Variants in CCSER1 observed in about 807,000 individuals in gnomAD.
CCSER1 encodes coiled-coil serine rich protein 1.
CCSER1 carries 41 observed loss-of-function variants against 82.0 expected under a neutral mutation model. The observed-to-expected ratio is 0.50, with a 90% CI of 0.39 to 0.65. CCSER1 has a LOEUF of 0.65. Ranked by LOEUF, CCSER1 falls within the 30% of genes least tolerant of loss-of-function variation. The pLI is 0.00. For synonymous variants in CCSER1, 414 were observed against 383.9 expected (o/e 1.08, Z -0.92); for missense variants, 1,119 against 1,064.2 (o/e 1.05, Z -0.72).
At position 91,480,470 on chromosome 4, in the gene CCSER1, G is replaced by C. The variant is rs549645613; in HGVS notation, c.2218-118102G>C. Among the ~76,000 whole-genome samples, 7 of 152,268 alleles carry C rather than the reference G, an allele frequency of 4.6e-5. No individual in the cohort carries two copies. The South Asian group carries it at 1.5e-3, about 32-fold the overall frequency. On this transcript the variant is annotated intron_variant, in intron 10 of 10. Coordinates refer to ENST00000509176, the MANE Select transcript of CCSER1 (RefSeq NM_001145065.2). ...TGAGATGGTATCTCATTGTGGTTTT[G>C]ATTTGCATTTGTCTGATGGCCTAAC...
intron 1 of CCSER1, among the ~76,000 whole-genome samples, chr4:90,244,250 A>G (rs2153436460): frequency 6.6e-6 from 1 of 152,356 alleles, no homozygotes; most frequent in East Asian, 1.9e-4. Context: ...AACAAGTAAG[A>G]TGCTTAATGG....
chr4:90,749,076 C>T lies in CCSER1; in HGVS notation c.2010+25085C>T, dbSNP rs888630646. On this transcript the variant is annotated intron_variant, in intron 7 of 10. Transcript: ENST00000509176. Reference sequence around the variant, plus strand: ...ATTTGTCAATTTTGGCTTTTGTTGCCGTTGCTTTTGGTGTTTTAGACATGA... The same window carrying T: ...ATTTGTCAATTTTGGCTTTTGTTGCTGTTGCTTTTGGTGTTTTAGACATGA... 3.2e-3 allele frequency among the ~76,000 whole-genome samples: 487 copies of T among 151,850 alleles called. 3 individuals are homozygous for T. Among genetic ancestry groups the T allele is most frequent in the African/African-American group, 0.011 (447 of 41,402 alleles).
chr4:90,669,056 A>G (rs903263083), intron 6 of CCSER1, among the ~76,000 whole-genome samples: 1 of 152,052 alleles, frequency 6.6e-6, no homozygotes, highest in Non-Finnish European at 1.5e-5. Flanking sequence ...CTCTGTTTTC[A>G]TATTTCAGAT....
At chr4:90,692,035 GTATATATATATATATATA>G (rs60193331) in intron 6 of CCSER1, among the ~76,000 whole-genome samples, 83,871 of 143,052 alleles carry the variant, frequency 0.59, 24,171 homozygotes, top group East Asian at 0.63. Context: ...TTCAATGTGT[GTATATATATATATATATA>G]TATATATATA....
chr4:91,020,878 C>T (rs114594327), intron 9 of CCSER1, among the ~76,000 whole-genome samples: 2,587 of 152,168 alleles, frequency 0.017, 28 homozygotes, highest in Middle Eastern at 0.027. Flanking sequence ...GACCTTGAGC[C>T]TTATTTAAAG....
At chr4:90,534,640 A>G (rs1244614896) in intron 5 of CCSER1, among the ~76,000 whole-genome samples, 1 of 152,236 alleles carries the variant, frequency 6.6e-6, no homozygotes, top group African/African-American at 2.4e-5. Context: ...AGGTGAGATC[A>G]TTGCTATTGA....
At chr4:90,571,396 G>A (rs767007560) in intron 5 of CCSER1, among the ~76,000 whole-genome samples, 1 of 152,196 alleles carries the variant, frequency 6.6e-6, no homozygotes, top group African/African-American at 2.4e-5. Context: ...AAGCTGTGCA[G>A]CCATAAAAAA....
At chr4:90,767,446 T>G (rs929206649) in intron 7 of CCSER1, among the ~76,000 whole-genome samples, 1 of 152,224 alleles carries the variant, frequency 6.6e-6, no homozygotes, top group African/African-American at 2.4e-5. Context: ...TTTTTCTCAC[T>G]AGATATCAAT....
At position 91,334,741 on chromosome 4, in the gene CCSER1, C is replaced by T. The variant is rs140442000; in HGVS notation, c.2217+248747C>T. On this transcript the variant is annotated intron_variant, in intron 10 of 10. Transcript: ENST00000509176. ...TGTCATCACCTATGATGTCTTTTCT[C>T]ATGGGTGTGGACGTCTAGTTGAGTG... Among the ~76,000 whole-genome samples the T allele has an allele frequency of 2.0e-5, 3 of 152,170 alleles. No individual in the cohort carries two copies. In the East Asian group the frequency reaches 5.8e-4, roughly 29 times the overall value.
intron 10 of CCSER1, among the ~76,000 whole-genome samples, chr4:91,587,307 A>G (rs1764047585): frequency 6.6e-6 from 1 of 151,764 alleles, no homozygotes; most frequent in Admixed American, 6.6e-5. Context: ...AAAATACAGA[A>G]GACATCACCT....
chr4:90,203,575 T>A (rs568543826), intron 1 of CCSER1, among the ~76,000 whole-genome samples: 10 of 152,372 alleles, frequency 6.6e-5, no homozygotes, highest in African/African-American at 2.2e-4. Flanking sequence ...TGTGCCACAT[T>A]TTCTTTATCC....
rs555119890 is a variant in CCSER1, at chr4:90,670,802, A to T, written c.1932+42570A>T. Among the ~76,000 whole-genome samples the T allele has an allele frequency of 3.3e-5, 5 of 152,054 alleles. No individual in the cohort carries two copies. The East Asian group carries it at 9.7e-4, about 29-fold the overall frequency. On this transcript the variant is annotated intron_variant, in intron 6 of 10. Coordinates refer to ENST00000509176, the MANE Select transcript of CCSER1 (RefSeq NM_001145065.2). ...TAGTGAACTATTATTAATATATTTA[A>T]AAAAAATACATGCCCTCCTCCTTTA...
intron 10 of CCSER1, among the ~76,000 whole-genome samples, chr4:91,299,416 C>T (rs1040094400): frequency 6.6e-6 from 1 of 151,820 alleles, no homozygotes; most frequent in African/African-American, 2.4e-5. Flanking sequence ...TAATAATAGC[C>T]GACATTCATC....
chr4:90,207,475 C>A (rs140655026), intron 1 of CCSER1, among the ~76,000 whole-genome samples: 3,571 of 152,242 alleles, frequency 0.023, 51 homozygotes, highest in Middle Eastern at 0.037. Context: ...TTATTACCCA[C>A]CTTCTGAAGC....
At chr4:90,335,027 G>A (rs1283041342) in intron 3 of CCSER1, among the ~76,000 whole-genome samples, 3 of 152,314 alleles carry the variant, frequency 2.0e-5, no homozygotes, top group African/African-American at 7.2e-5. Flanking sequence ...GGCAGTGGAT[G>A]TGACTATAGG....
chr4:90,822,202 C>CTG (rs1259327295), intron 8 of CCSER1, among the ~76,000 whole-genome samples: 1 of 152,064 alleles, frequency 6.6e-6, no homozygotes, highest in Non-Finnish European at 1.5e-5. Context: ...GTAGACGGTG[C>CTG]TGTGAATTTA....
intron 1 of CCSER1, among the ~76,000 whole-genome samples, chr4:90,251,603 T>G (rs1297324454): frequency 6.6e-6 from 1 of 151,840 alleles, no homozygotes; most frequent in East Asian, 1.9e-4. Flanking sequence ...ACCTTTTTAT[T>G]ATGTTGCTGG....
intron 7 of CCSER1, among the ~76,000 whole-genome samples, chr4:90,809,033 A>T (rs1010397748): frequency 1.3e-5 from 2 of 152,130 alleles, no homozygotes; most frequent in African/African-American, 4.8e-5. Context: ...ACATGGTATT[A>T]TAAGTCAGGC....
intron 10 of CCSER1, among the ~76,000 whole-genome samples, chr4:91,573,143 G>A (rs1043893683): frequency 6.6e-6 from 1 of 152,162 alleles, no homozygotes; most frequent in Non-Finnish European, 1.5e-5. Context: ...GTGCTGGGGG[G>A]AACCCCTCCA....
Sources: gnomAD v4.1 joint callset for allele counts (sites outside exome capture counted in the v4.1 genomes callset) on GRCh38, gnomAD v4.1.1 for gene constraint, MANE v1.5 for transcripts, NCBI Gene and HGNC (gene_info 2026-07-23, HGNC 2026-07-21) for gene names.